Variants in STARD13 observed in about 807,000 individuals in gnomAD.
STARD13 encodes StAR related lipid transfer domain containing 13.
In STARD13, 62 loss-of-function variants were observed where a neutral mutation model predicts 106.4. That is an observed-to-expected ratio of 0.58 (90% CI 0.48 to 0.72). The LOEUF is 0.72. Ranked by LOEUF, STARD13 falls within the 30% of genes least tolerant of loss-of-function variation. The probability of loss-of-function intolerance (pLI) is 0.00; values close to 1 mark genes in which losing one functional copy is unlikely to be tolerated. For synonymous variants in STARD13, 565 were observed against 553.0 expected (o/e 1.02, Z -0.31); for missense variants, 1,387 against 1,424.0 (o/e 0.97, Z 0.42).
chr13:33,434,490 T>C, the STARD13 span, among the ~76,000 whole-genome samples: 1 of 152,184 alleles, frequency 6.6e-6, no homozygotes, highest in Non-Finnish European at 1.5e-5. Flanking sequence ...AGGACGATAC[T>C]TCCAATGATA....
At chr13:33,521,182 T>C in the STARD13 span, among the ~76,000 whole-genome samples, 1 of 152,154 alleles carries the variant, frequency 6.6e-6, no homozygotes, top group Non-Finnish European at 1.5e-5. Flanking sequence ...TGAGCACATG[T>C]TCCTCAGACA....
chr13:33,477,448 A>G, the STARD13 span, among the ~76,000 whole-genome samples: 1 of 152,238 alleles, frequency 6.6e-6, no homozygotes, highest in African/African-American at 2.4e-5. Flanking sequence ...TTAGCCATTG[A>G]TGCTGACTCT....
chr13:33,619,581 A>C, the STARD13 span, among the ~76,000 whole-genome samples: 1 of 152,320 alleles, frequency 6.6e-6, no homozygotes, highest in South Asian at 2.1e-4. Flanking sequence ...AGCTAGCTGA[A>C]AGTATAGGTG....
At chr13:33,620,057 CAAA>C in the STARD13 span, among the ~76,000 whole-genome samples, 1 of 149,866 alleles carries the variant, frequency 6.7e-6, no homozygotes, top group East Asian at 1.9e-4. Context: ...AACTCTGTCT[CAAA>C]GAAAAAAAAA....
At chr13:33,643,664 A>G in the STARD13 span, among the ~76,000 whole-genome samples, 3 of 152,252 alleles carry the variant, frequency 2.0e-5, no homozygotes, top group Non-Finnish European at 4.4e-5. Flanking sequence ...GCATACTTTC[A>G]GCTGGTGAAC....
At chr13:33,297,787 G>T (rs1303041670) in intron 1 of STARD13, among the ~76,000 whole-genome samples, 1 of 152,130 alleles carries the variant, frequency 6.6e-6, no homozygotes, top group East Asian at 1.9e-4. Context: ...TATGGAGAAG[G>T]AACCTCAGTC....
chr13:33,198,175 C>A (rs755439036), intron 1 of STARD13, among the ~76,000 whole-genome samples: 5 of 152,196 alleles, frequency 3.3e-5, no homozygotes, highest in Non-Finnish European at 7.4e-5. Flanking sequence ...CTCAAAAAAA[C>A]AAAACAAAAG....
the STARD13 span, among the ~76,000 whole-genome samples, chr13:33,410,598 G>T: frequency 6.6e-6 from 1 of 152,150 alleles, no homozygotes; most frequent in Admixed American, 6.5e-5. Flanking sequence ...TTGGAGAAGG[G>T]TCTTCTCCTA....
intron 1 of STARD13, among the ~76,000 whole-genome samples, chr13:33,305,444 A>G (rs1047518591): frequency 2.6e-5 from 4 of 152,196 alleles, no homozygotes; most frequent in African/African-American, 9.6e-5. Context: ...CAGAATAAGC[A>G]TATACCTTCT....
At chr13:33,388,215 G>A in the STARD13 span, among the ~76,000 whole-genome samples, 1 of 152,176 alleles carries the variant, frequency 6.6e-6, no homozygotes, top group African/African-American at 2.4e-5. Context: ...CTAATGGCTT[G>A]GTGAACAGTA....
chr13:33,283,129 TC>T (rs1323195731), intron 1 of STARD13, among the ~76,000 whole-genome samples: 4 of 152,168 alleles, frequency 2.6e-5, no homozygotes, highest in Admixed American at 1.3e-4. Flanking sequence ...GCACTTTGTT[TC>T]CACTAGAGAA....
intron 3 of STARD13, chr13:33,158,611 G>A (rs973985603): frequency 1.3e-5 from 2 of 152,276 alleles, no homozygotes; most frequent in Admixed American, 6.5e-5. Context: ...CCATCTCTGT[G>A]TCTTTGGTGC....
intron 1 of STARD13, chr13:33,276,267 AACGC>A (rs1305395768): frequency 6.6e-6 from 1 of 152,214 alleles, no homozygotes; most frequent in Non-Finnish European, 1.5e-5. Context: ...TGTTAAACAT[AACGC>A]ATGGGTTTAC....
chr13:33,229,046 T>G (rs1888768663), intron 1 of STARD13, among the ~76,000 whole-genome samples: 1 of 152,226 alleles, frequency 6.6e-6, no homozygotes, highest in Non-Finnish European at 1.5e-5. Flanking sequence ...CAGCAGACTC[T>G]GGCAGGCTTT....
chr13:33,657,070 C>T, the STARD13 span: 1 of 152,396 alleles, frequency 6.6e-6, no homozygotes, highest in Non-Finnish European at 1.5e-5. Context: ...GAGATCGAGA[C>T]AATCCTGGCT....
intron 3 of STARD13, among the ~76,000 whole-genome samples, chr13:33,152,609 T>C (rs1881426874): frequency 6.6e-6 from 1 of 152,168 alleles, no homozygotes; most frequent in South Asian, 2.1e-4. Flanking sequence ...GGTGGCCCAT[T>C]ACTCAAGATA....
chr13:33,226,131 GC>G (rs1682728666), intron 1 of STARD13, among the ~76,000 whole-genome samples: 1 of 152,224 alleles, frequency 6.6e-6, no homozygotes. Context: ...ATGCTGGCAT[GC>G]TGATATCAGA....
intron 1 of STARD13, among the ~76,000 whole-genome samples, chr13:33,274,672 C>T (rs907128371): frequency 6.6e-6 from 1 of 152,174 alleles, no homozygotes; most frequent in Admixed American, 6.5e-5. Context: ...AAATGTAGAA[C>T]CGGAAGACTT....
At chr13:33,586,410 G>C in the STARD13 span, among the ~76,000 whole-genome samples, 1 of 152,090 alleles carries the variant, frequency 6.6e-6, no homozygotes, top group Non-Finnish European at 1.5e-5. Flanking sequence ...CCCCAGGCAT[G>C]ACTCTACATA....
Sources: gnomAD v4.1 joint callset for allele counts (sites outside exome capture counted in the v4.1 genomes callset) on GRCh38, gnomAD v4.1.1 for gene constraint, MANE v1.5 for transcripts, NCBI Gene and HGNC (gene_info 2026-07-23, HGNC 2026-07-21) for gene names.